Variants in CELF4 observed in about 807,000 individuals in gnomAD.
CELF4 encodes the protein CUGBP Elav-like family member 4, also known as CUG-BP- and ETR-3-like factor 4.
A neutral mutation model predicts 59.9 loss-of-function variants in CELF4; 18 were observed. The observed-to-expected ratio is 0.30, with a 90% CI of 0.21 to 0.45. CELF4 has a LOEUF of 0.45. Among genes scored for constraint, CELF4 ranks in the 20% least tolerant of loss-of-function variants. The pLI, the probability that CELF4 is intolerant of heterozygous loss-of-function variation, is 1.00. For missense variants in CELF4, 456 were observed against 689.0 expected, an observed-to-expected ratio of 0.66 and a Z score of 3.79; for synonymous variants, 261 against 267.1, an observed-to-expected ratio of 0.98 and a Z score of 0.22.
In CELF4 at chr18:37,343,672, C is replaced by T. The variant is rs148614001; in HGVS notation, c.370-21791G>A. 6.9e-3 allele frequency among the ~76,000 whole-genome samples: 1,043 copies of T among 152,134 alleles called. 44 individuals are homozygous for T. The highest frequency in any genetic ancestry group is 0.063 in the Admixed American group (957 of 15,264). ...CCTGACTGCAAGCTGGGCACCTGTG[C>T]GTGTATTCAGAGTGGCCAGTCTGGG... On this transcript the variant is annotated intron_variant, in intron 2 of 12. Coordinates refer to ENST00000420428, the MANE Select transcript of CELF4 (RefSeq NM_020180.4).
chr18:37,394,118 G>C (rs1050791289), intron 2 of CELF4, among the ~76,000 whole-genome samples: 3 of 152,078 alleles, frequency 2.0e-5, no homozygotes, highest in Non-Finnish European at 4.4e-5. Flanking sequence ...GCAGATGCTC[G>C]GGGACCGGCC....
At chr18:37,437,502 T>C (rs1174698110) in intron 2 of CELF4, among the ~76,000 whole-genome samples, 1 of 152,100 alleles carries the variant, frequency 6.6e-6, no homozygotes, top group Non-Finnish European at 1.5e-5. Context: ...CTATGGAAAC[T>C]GGGGGAATGG....
intron 1 of CELF4, among the ~76,000 whole-genome samples, chr18:37,559,759 T>C (rs909678434): frequency 6.6e-6 from 1 of 152,124 alleles, no homozygotes; most frequent in African/African-American, 2.4e-5. Flanking sequence ...AAGCCCCTCT[T>C]CCCTCCTGAT....
chr18:37,275,032 C>A, intron 4 of CELF4, 83 bp downstream of exon 4: 1 of 1,557,774 alleles, frequency 6.4e-7, no homozygotes, highest in Non-Finnish European at 8.8e-7. Flanking sequence ...CGGCGATGGC[C>A]CCGGAGACTC....
chr18:37,361,028 T>C (rs2154559876), intron 2 of CELF4, among the ~76,000 whole-genome samples: 1 of 152,340 alleles, frequency 6.6e-6, no homozygotes, highest in South Asian at 2.1e-4. Flanking sequence ...TAGTTACTTT[T>C]AGCAGCCATG....
chr18:37,257,181 G>A (rs902548916), intron 11 of CELF4, among the ~76,000 whole-genome samples: 3 of 152,184 alleles, frequency 2.0e-5, no homozygotes, highest in East Asian at 1.9e-4. Flanking sequence ...TTGGAAAGCC[G>A]GACTGCACCC....
At chr18:37,539,871 T>G (rs760014229) in intron 1 of CELF4, among the ~76,000 whole-genome samples, 3 of 152,212 alleles carry the variant, frequency 2.0e-5, no homozygotes, top group Admixed American at 6.5e-5. Context: ...CATGCTGTCA[T>G]GGGCTTGCTG....
intron 3 of CELF4, among the ~76,000 whole-genome samples, chr18:37,290,752 G>A (rs771490751): frequency 6.6e-6 from 1 of 152,098 alleles, no homozygotes; most frequent in Non-Finnish European, 1.5e-5. Context: ...CCTTTGATTC[G>A]ACTAAGATAG....
rs1427960206 is a variant in CELF4 at position 37,253,063 on chromosome 18, G to C, written c.*44+704C>G. Among the ~76,000 whole-genome samples, 1 of 152,112 alleles carries C rather than the reference G, an allele frequency of 6.6e-6. No homozygotes were observed. Among genetic ancestry groups the C allele is most frequent in the African/African-American group, 2.4e-5 (1 of 41,414 alleles). ...TTTGCTCAGGGGAACACGTGGGCTGGAAGAGGCGTGGCTGACTGTGTCTTC... is the reference window on the plus strand; with the variant it reads ...TTTGCTCAGGGGAACACGTGGGCTGCAAGAGGCGTGGCTGACTGTGTCTTC... On this transcript the variant is annotated intron_variant, in intron 12 of 12. Transcript: ENST00000420428. The surrounding 1 kb of genome is among the most constrained non-coding windows in gnomAD (Gnocchi z 4.5).
At chr18:37,406,699 G>C (rs1313127379) in intron 2 of CELF4, among the ~76,000 whole-genome samples, 3 of 152,202 alleles carry the variant, frequency 2.0e-5, no homozygotes, top group Non-Finnish European at 2.9e-5. Context: ...TGAAGAAAAG[G>C]AAAACCCCTA....
At chr18:37,438,998 G>A (rs1226085509) in intron 2 of CELF4, among the ~76,000 whole-genome samples, 1 of 152,158 alleles carries the variant, frequency 6.6e-6, no homozygotes, top group African/African-American at 2.4e-5. Context: ...GTGGCCAGGT[G>A]GGGCTCAGTG....
At chr18:37,493,559 G>A (rs1053555681) in intron 1 of CELF4, among the ~76,000 whole-genome samples, 61 of 152,238 alleles carry the variant, frequency 4.0e-4, no homozygotes, top group African/African-American at 1.2e-3. Context: ...ATGCGGGTGT[G>A]GGGGAGGTGG....
At chr18:37,287,146 G>A (rs192286540) in intron 3 of CELF4, among the ~76,000 whole-genome samples, 1 of 152,256 alleles carries the variant, frequency 6.6e-6, no homozygotes, top group East Asian at 1.9e-4. Context: ...ACGGATTTGA[G>A]GGATTGGTTG....
At chr18:37,451,225 G>A (rs1451214577) in intron 2 of CELF4, among the ~76,000 whole-genome samples, 1 of 152,218 alleles carries the variant, frequency 6.6e-6, no homozygotes, top group African/African-American at 2.4e-5. Flanking sequence ...AATCCCAATG[G>A]GGACAGGCCC....
intron 2 of CELF4, among the ~76,000 whole-genome samples, chr18:37,339,008 C>T (rs1251760347): frequency 1.3e-5 from 2 of 152,220 alleles, no homozygotes. Flanking sequence ...CCATCCTGGT[C>T]CCAGAGCCCA....
intron 2 of CELF4, among the ~76,000 whole-genome samples, chr18:37,347,929 A>G (rs2098324571): frequency 6.6e-6 from 1 of 151,892 alleles, no homozygotes; most frequent in South Asian, 2.1e-4. Flanking sequence ...TCTTCGAGAG[A>G]GATACCTCCC....
intron 1 of CELF4, among the ~76,000 whole-genome samples, chr18:37,504,817 C>A (rs752528427): frequency 6.6e-6 from 1 of 152,176 alleles, no homozygotes. Context: ...GAGGTCAGAG[C>A]GCTACCTGGA....
intron 2 of CELF4, among the ~76,000 whole-genome samples, chr18:37,424,163 G>A (rs2154594408): frequency 6.6e-6 from 1 of 152,270 alleles, no homozygotes; most frequent in South Asian, 2.1e-4. Flanking sequence ...TGTGGTTCCT[G>A]CAAGGGCCTG....
intron 1 of CELF4, among the ~76,000 whole-genome samples, chr18:37,543,791 T>G (rs2099979395): frequency 6.6e-6 from 1 of 152,216 alleles, no homozygotes; most frequent in African/African-American, 2.4e-5. Context: ...AAAAAACAAC[T>G]GGTCTTTTCT....
Sources: allele counts gnomAD v4.1 joint callset (sites outside exome capture counted in the v4.1 genomes callset), GRCh38; gene constraint gnomAD v4.1.1; non-coding constraint Gnocchi (gnomAD v3.1); transcripts MANE v1.5; gene names NCBI Gene and HGNC (gene_info 2026-07-23, HGNC 2026-07-21).